The following TIAM1 variants were observed in gnomAD, a reference collection of about 807,000 sequenced individuals.
TIAM1 encodes TIAM Rac1 associated GEF 1, also known as rho guanine nucleotide exchange factor TIAM1.
Under a neutral mutation model 163.5 loss-of-function variants are expected in TIAM1, and 65 were observed. The observed-to-expected ratio is 0.40, with a 90% confidence interval of 0.33 to 0.49. The LOEUF is 0.49. TIAM1 is among the 20% of genes least tolerant of loss of function. The pLI is 0.77. For missense variants in TIAM1, 1,789 were observed against 2,044.7 expected (o/e 0.87, Z 2.41); for synonymous variants, 833 against 810.1 (o/e 1.03, Z -0.48).
At chr21:31,402,239 G>C (rs2077178410) in intron 2 of TIAM1, among the ~76,000 whole-genome samples, 1 of 151,846 alleles carries the variant, frequency 6.6e-6, no homozygotes, top group African/African-American at 2.4e-5. Flanking sequence ...CAAAAAATTG[G>C]AATTGAGACA....
intron 2 of TIAM1, among the ~76,000 whole-genome samples, chr21:31,314,662 T>A (rs889007531): frequency 2.0e-5 from 3 of 152,146 alleles, no homozygotes; most frequent in African/African-American, 7.2e-5. Flanking sequence ...TTTTATAAAC[T>A]CCCAAAAGGT....
intron 2 of TIAM1, among the ~76,000 whole-genome samples, chr21:31,389,406 G>A (rs916215823): frequency 5.8e-4 from 88 of 152,074 alleles, no homozygotes; most frequent in African/African-American, 2.0e-3. Context: ...ACAGGGTTTC[G>A]CCATGTTGGC....
At chr21:31,286,794 AAG>A (rs536038512) in intron 2 of TIAM1, among the ~76,000 whole-genome samples, 1,564 of 152,296 alleles carry the variant, frequency 0.01, 15 homozygotes, top group Non-Finnish European at 0.017. Context: ...ATTCTTTTGA[AAG>A]AGAAGAACTG....
intron 2 of TIAM1, among the ~76,000 whole-genome samples, chr21:31,402,559 A>G (rs1345455812): frequency 6.6e-6 from 1 of 152,140 alleles, no homozygotes; most frequent in African/African-American, 2.4e-5. Context: ...CCATTTTTGC[A>G]TGAGTTCACT....
intron 1 of TIAM1, among the ~76,000 whole-genome samples, chr21:31,490,862 C>T (rs1228696682): frequency 6.6e-6 from 1 of 152,210 alleles, no homozygotes; most frequent in Admixed American, 6.5e-5. Context: ...CGTGGTGGCT[C>T]ACGCCTGTAA....
intron 2 of TIAM1, among the ~76,000 whole-genome samples, chr21:31,328,714 C>G (rs747171771): frequency 1.1e-4 from 16 of 151,988 alleles, no homozygotes; most frequent in South Asian, 2.1e-4. Context: ...TCCCCTTGAC[C>G]CCCACCCCCC....
intron 1 of TIAM1, among the ~76,000 whole-genome samples, chr21:31,473,225 C>A (rs988792207): frequency 6.6e-6 from 1 of 152,124 alleles, no homozygotes; most frequent in East Asian, 1.9e-4. Flanking sequence ...GCCAGGAGAT[C>A]GAGACCATCC....
Position 31,293,652 on chromosome 21 carries a change from G to C in TIAM1, c.-188-16744C>G, listed in dbSNP as rs142243252. On this transcript the variant is annotated intron_variant, in intron 2 of 27. Coordinates refer to ENST00000541036, the MANE Select transcript of TIAM1 (RefSeq NM_001353694.2). ...CCACCTGTCCTGTGCTCTGAAGGGAGGTCAGCTCAGGTGTTCCAGGTAGCC... is the reference window on the plus strand; with the variant it reads ...CCACCTGTCCTGTGCTCTGAAGGGACGTCAGCTCAGGTGTTCCAGGTAGCC... Among the ~76,000 whole-genome samples, 1,046 of 152,346 alleles carry C rather than the reference G, an allele frequency of 6.9e-3. 12 individuals are homozygous for C. Among genetic ancestry groups the C allele is most frequent in the African/African-American group, 0.024 (1,003 of 41,578 alleles).
chr21:31,362,072 A>C (rs1664072485), intron 2 of TIAM1, among the ~76,000 whole-genome samples: 1 of 151,988 alleles, frequency 6.6e-6, no homozygotes, highest in African/African-American at 2.4e-5. Flanking sequence ...AGACAGAGAG[A>C]TTGCTTGAGC....
chr21:31,142,166 T>C (rs1036713275), intron 20 of TIAM1, among the ~76,000 whole-genome samples: 1 of 152,222 alleles, frequency 6.6e-6, no homozygotes, highest in East Asian at 1.9e-4. Flanking sequence ...GGGGTGCCCC[T>C]GCCTCTTGGG....
At chr21:31,178,839 C>T (rs367879042) in intron 15 of TIAM1, among the ~76,000 whole-genome samples, 7 of 151,724 alleles carry the variant, frequency 4.6e-5, no homozygotes, top group Admixed American at 2.6e-4. Context: ...GCAACCTCTG[C>T]CTCCTGGGTT....
intron 5 of TIAM1, among the ~76,000 whole-genome samples, chr21:31,246,125 A>G (rs752128891): frequency 1.6e-4 from 25 of 152,212 alleles, no homozygotes; most frequent in Non-Finnish European, 5.9e-5. Context: ...GTTCCAGACC[A>G]TGCCCTTGGA....
intron 1 of TIAM1, among the ~76,000 whole-genome samples, chr21:31,535,887 C>G (rs1419595139): frequency 6.6e-6 from 1 of 152,180 alleles, no homozygotes; most frequent in African/African-American, 2.4e-5. Context: ...CAGGTGCCAG[C>G]AGCCATGCCA....
intron 16 of TIAM1, among the ~76,000 whole-genome samples, chr21:31,155,281 T>A (rs900047832): frequency 2.0e-5 from 3 of 152,338 alleles, no homozygotes; most frequent in African/African-American, 7.2e-5. Flanking sequence ...CCAGTAGTTT[T>A]CCAACTTGGC....
In TIAM1 at chr21:31,203,117, G is replaced by T. The variant is rs367658629; in HGVS notation, c.2389-105C>A. ...TGTATTCCTATGACCAATAGAGTTT[G>T]TTGTTGTTGTTGTTGTTGTTTTGAG... On this transcript the variant is annotated intron_variant, in intron 11 of 27. Coordinates refer to ENST00000541036, the MANE Select transcript of TIAM1 (RefSeq NM_001353694.2). 3.3e-4 allele frequency: 238 copies of T among 722,332 alleles called. 1 individual carries two copies. The African/African-American group carries it at 3.5e-3, about 11-fold the overall frequency. 44.7% of individuals were successfully genotyped at this position (722,332 alleles called of 1,614,324 possible).
At chr21:31,130,379 A>T in intron 24 of TIAM1, 64 bp from the exon 25 acceptor site, 1 of 1,346,698 alleles carries the variant, frequency 7.4e-7, no homozygotes. Context: ...AGTTCCCTGC[A>T]TTTTCTAAAC....
intron 12 of TIAM1, among the ~76,000 whole-genome samples, chr21:31,197,539 C>CTTTTTTTTTTTTTTTTTTTTTTT (rs58141765): frequency 1.2e-4 from 15 of 123,238 alleles, no homozygotes; most frequent in African/African-American, 4.0e-4. Context: ...CCGCGCCCGG[C>CTTTTTTTTTTTTTTTTTTTTTTT]TTTTTTTTTT....
At chr21:31,138,178 G>A (rs1304329471) in intron 22 of TIAM1, among the ~76,000 whole-genome samples, 2 of 152,010 alleles carry the variant, frequency 1.3e-5, no homozygotes, top group African/African-American at 2.4e-5. Flanking sequence ...TCTTTTAAGG[G>A]GAAATGCCCT....
intron 23 of TIAM1, among the ~76,000 whole-genome samples, chr21:31,131,530 T>G (rs1465341843): frequency 6.6e-6 from 1 of 152,202 alleles, no homozygotes; most frequent in African/African-American, 2.4e-5. Context: ...TTATATTCTT[T>G]CGGGGGTGGG....
Sources: allele counts gnomAD v4.1 joint callset (sites outside exome capture counted in the v4.1 genomes callset), GRCh38; gene constraint gnomAD v4.1.1; transcripts MANE v1.5; gene names NCBI Gene and HGNC (gene_info 2026-07-23, HGNC 2026-07-21).